The following RBMS2 variants were observed in gnomAD, a reference collection of about 807,000 sequenced individuals.
RBMS2 encodes the protein RNA-binding motif, single-stranded-interacting protein 2.
In RBMS2, 38 loss-of-function variants were observed where a neutral mutation model predicts 58.4. That is an observed-to-expected ratio of 0.65 (90% CI 0.50 to 0.85). RBMS2 has a LOEUF of 0.85. Among genes scored for constraint, RBMS2 ranks in the 40% least tolerant of loss-of-function variants. The pLI is 0.00. For missense variants in RBMS2, 367 were observed against 503.7 expected (o/e 0.73, Z 2.60); for synonymous variants, 151 against 180.7 (o/e 0.84, Z 1.32).
rs1462922427 is a variant in RBMS2, at chr12:56,593,166, G to C, written c.*4033G>C. 6.6e-6 allele frequency: 1 copy of C among 151,844 alleles called. No homozygotes were observed. The highest frequency in any genetic ancestry group is 2.4e-5 in the African/African-American group (1 of 41,136). 9.4% of individuals were successfully genotyped at this position (151,844 alleles called of 1,614,324 possible). ...TTGTTGTTTTGTTTTTTTGAGACAG[G>C]GTCTCACTCTGTGGCCCAGGCTGGA... On this transcript the variant is annotated 3_prime_UTR_variant, in exon 14 of 14. Transcript: ENST00000262031.
chr12:56,543,445 A>G lies in RBMS2; in HGVS notation c.67-18972A>G, dbSNP rs146293763. Among the ~76,000 whole-genome samples the G allele has an allele frequency of 6.9e-3, 1,050 of 151,296 alleles. 6 individuals carry two copies. Among genetic ancestry groups the G allele is most frequent in the African/African-American group, 0.023 (935 of 41,230 alleles). ...GATTGCTGTGAGCTGGGATCATGCC[A>G]TTACTCTTCAGCCTGGGCAACAGAG... On this transcript the variant is annotated intron_variant, in intron 1 of 13. Transcript: ENST00000262031.
intron 1 of RBMS2, among the ~76,000 whole-genome samples, chr12:56,548,625 A>G (rs1243986161): frequency 6.6e-6 from 1 of 152,172 alleles, no homozygotes; most frequent in African/African-American, 2.4e-5. Context: ...GTTATGTTAT[A>G]TGTCCTGGAG....
intron 9 of RBMS2, among the ~76,000 whole-genome samples, chr12:56,584,552 G>A (rs1884406801): frequency 6.6e-6 from 1 of 151,994 alleles, no homozygotes; most frequent in Non-Finnish European, 1.5e-5. Context: ...TTGGGAGGCC[G>A]AGGAGGGCGG....
intron 5 of RBMS2, among the ~76,000 whole-genome samples, chr12:56,576,466 G>A (rs1000804800): frequency 5.9e-5 from 9 of 152,260 alleles, no homozygotes; most frequent in South Asian, 2.1e-4. Flanking sequence ...ATGAAAAAGC[G>A]TAGTATATCT....
intron 1 of RBMS2, among the ~76,000 whole-genome samples, chr12:56,555,653 C>T (rs1011186610): frequency 3.9e-5 from 6 of 151,986 alleles, no homozygotes; most frequent in Non-Finnish European, 8.8e-5. Context: ...TGCAGTGACA[C>T]GATCTCAGCT....
chr12:56,532,370 C>CAGGAGTTTGAGA (rs1873909192), intron 1 of RBMS2, among the ~76,000 whole-genome samples: 1 of 151,954 alleles, frequency 6.6e-6, no homozygotes, highest in Non-Finnish European at 1.5e-5. Context: ...TGGTGAAACT[C>CAGGAGTTTGAGA]CGTCTCTACT....
intron 1 of RBMS2, among the ~76,000 whole-genome samples, chr12:56,529,266 T>C (rs73329533): frequency 0.032 from 4,892 of 152,012 alleles, 257 homozygotes; most frequent in African/African-American, 0.11. Context: ...AGGAATGGGG[T>C]ACTAGGCTGA....
intron 1 of RBMS2, among the ~76,000 whole-genome samples, chr12:56,560,613 T>G (rs539625330): frequency 3.9e-5 from 6 of 152,152 alleles, no homozygotes; most frequent in African/African-American, 1.4e-4. Flanking sequence ...CAGGCTGGTC[T>G]CAAACTCATG....
At chr12:56,563,319 C>G (rs1880772339) in intron 2 of RBMS2, among the ~76,000 whole-genome samples, 1 of 152,010 alleles carries the variant, frequency 6.6e-6, no homozygotes. Context: ...AGTTTAATAT[C>G]TCTATAGATG....
intron 1 of RBMS2, chr12:56,539,575 G>A (rs1481261770): frequency 5.4e-6 from 2 of 368,714 alleles, no homozygotes; most frequent in Non-Finnish European, 1.1e-5. Context: ...TAGTTCCTTT[G>A]TTCAATTTTT....
At chr12:56,569,500 G>A (rs532043866) in intron 3 of RBMS2, among the ~76,000 whole-genome samples, 2 of 152,284 alleles carry the variant, frequency 1.3e-5, no homozygotes, top group African/African-American at 4.8e-5. Flanking sequence ...TCTTCTTCCA[G>A]CAGGTGGCTG....
intron 7 of RBMS2, 34 bp downstream of exon 7, chr12:56,581,542 C>T (rs181812568): frequency 2.2e-4 from 351 of 1,574,814 alleles, no homozygotes; most frequent in Admixed American, 1.4e-3. Context: ...GGAGTACTAA[C>T]GACATTAAAG....
intron 1 of RBMS2, among the ~76,000 whole-genome samples, chr12:56,558,537 TTCCC>T (rs540140646): frequency 2.9e-4 from 41 of 143,774 alleles, no homozygotes; most frequent in South Asian, 2.0e-3. Flanking sequence ...CTTTCTTTTT[TTCCC>T]TCCCTCCCTC....
chr12:56,540,336 T>G (rs11834293), intron 1 of RBMS2, among the ~76,000 whole-genome samples: 10,461 of 152,158 alleles, frequency 0.069, 1,220 homozygotes, highest in African/African-American at 0.24. Flanking sequence ...TATGTATGTA[T>G]GTATTTATGT....
chr12:56,573,476 CAAAAAAAAAAAA>C (rs71081382), intron 5 of RBMS2, among the ~76,000 whole-genome samples: 3 of 59,682 alleles, frequency 5.0e-5, no homozygotes, highest in East Asian at 1.1e-3. Flanking sequence ...GACGCCATCT[CAAAAAAAAAAAA>C]AAAAAAAAAA....
chr12:56,555,262 C>T (rs749064185), intron 1 of RBMS2, among the ~76,000 whole-genome samples: 1 of 151,260 alleles, frequency 6.6e-6, no homozygotes, highest in Non-Finnish European at 1.5e-5. Flanking sequence ...ATCTTTCAGA[C>T]ATAATATTAA....
rs34784910 is a variant in RBMS2, at chr12:56,558,038, C to CTT, written c.67-4356_67-4355dup. 3.0e-3 allele frequency among the ~76,000 whole-genome samples: 85 copies of CTT among 28,544 alleles called. 1 individual carries two copies. Among genetic ancestry groups the CTT allele is most frequent in the African/African-American group, 6.7e-3 (56 of 8,312 alleles). 18.7% of individuals were successfully genotyped at this position (28,544 alleles called of 152,430 possible). A position where few individuals can be genotyped will look rare whatever the true frequency, so the allele number is the denominator to read the frequency against. On this transcript the variant is annotated intron_variant, in intron 1 of 13. Transcript: ENST00000262031. ...ACAGGCATGAGCCACCTCGCCCGGG[C>CTT]TTTTTTTTTTTTTTTTTTTTTTTTG...
chr12:56,568,656 C>T (rs894646026), intron 2 of RBMS2, among the ~76,000 whole-genome samples: 6 of 151,748 alleles, frequency 4.0e-5, no homozygotes, highest in African/African-American at 1.5e-4. Flanking sequence ...CCTACCTCAG[C>T]CTCCCAAGTA....
At chr12:56,580,528 C>T (rs757736505) in intron 5 of RBMS2, among the ~76,000 whole-genome samples, 7 of 152,116 alleles carry the variant, frequency 4.6e-5, no homozygotes, top group South Asian at 4.1e-4. Flanking sequence ...CCACCGCACC[C>T]GGCGGATCAG....
Sources: gnomAD v4.1 joint callset for allele counts (sites outside exome capture counted in the v4.1 genomes callset) on GRCh38, gnomAD v4.1.1 for gene constraint, MANE v1.5 for transcripts, NCBI Gene and HGNC (gene_info 2026-07-23, HGNC 2026-07-21) for gene names.